KHDRBS2: variants seen among roughly 807,000 people sequenced by gnomAD.
KHDRBS2 encodes KH domain-containing, RNA-binding, signal transduction-associated protein 2.
In KHDRBS2, 26 loss-of-function variants were observed where a neutral mutation model predicts 44.3. The ratio of observed to expected loss-of-function variants is 0.59; its 90% CI spans 0.43 to 0.81. The LOEUF is 0.81. KHDRBS2 is among the 40% of genes least tolerant of loss of function. KHDRBS2 has a pLI of 0.00. For synonymous variants in KHDRBS2, 194 were observed against 151.1 expected (o/e 1.28, Z -2.08); for missense variants, 476 against 433.1 (o/e 1.10, Z -0.88).
chr6:61,609,779 G>C, the KHDRBS2 span, among the ~76,000 whole-genome samples: 4 of 152,304 alleles, frequency 2.6e-5, no homozygotes, highest in East Asian at 7.7e-4. Flanking sequence ...TTTCCAAGCA[G>C]TCAATTCTAG....
the KHDRBS2 span, among the ~76,000 whole-genome samples, chr6:61,555,712 C>T: frequency 2.5e-3 from 376 of 152,280 alleles, 2 homozygotes; most frequent in African/African-American, 8.6e-3. Context: ...TTCTTTGATG[C>T]CCTTAGGGGT....
At chr6:61,693,110 C>T (rs1354545286) in intron 8 of KHDRBS2, among the ~76,000 whole-genome samples, 1 of 151,798 alleles carries the variant, frequency 6.6e-6, no homozygotes, top group African/African-American at 2.4e-5. Flanking sequence ...GTACCATTGA[C>T]TAAAGATAAA....
At chr6:61,662,580 G>T in the KHDRBS2 span, among the ~76,000 whole-genome samples, 1 of 152,242 alleles carries the variant, frequency 6.6e-6, no homozygotes, top group East Asian at 1.9e-4. Flanking sequence ...CCATCAACAA[G>T]TGGGTGAAGG....
intron 1 of KHDRBS2, among the ~76,000 whole-genome samples, chr6:62,264,636 T>C (rs1437850201): frequency 6.6e-6 from 1 of 151,784 alleles, no homozygotes; most frequent in Non-Finnish European, 1.5e-5. Context: ...CTTATTATTA[T>C]TGTGACATGC....
At chr6:62,015,206 C>T (rs910536273) in intron 3 of KHDRBS2, among the ~76,000 whole-genome samples, 1 of 152,088 alleles carries the variant, frequency 6.6e-6, no homozygotes, top group Non-Finnish European at 1.5e-5. Context: ...TAGATTAATA[C>T]ACACATAAAG....
chr6:61,639,933 C>T, the KHDRBS2 span, among the ~76,000 whole-genome samples: 1 of 151,860 alleles, frequency 6.6e-6, no homozygotes, highest in Admixed American at 6.6e-5. Flanking sequence ...ATAATCAAAC[C>T]ATAATATGTA....
At chr6:61,903,418 C>T (rs1339574237) in intron 4 of KHDRBS2, among the ~76,000 whole-genome samples, 13 of 151,824 alleles carry the variant, frequency 8.6e-5, no homozygotes, top group Admixed American at 7.9e-4. Context: ...TAGAAGTGTA[C>T]CTTAGAGCAT....
At chr6:62,079,340 C>A (rs753796538) in intron 2 of KHDRBS2, among the ~76,000 whole-genome samples, 9 of 151,762 alleles carry the variant, frequency 5.9e-5, no homozygotes, top group Non-Finnish European at 1.2e-4. Flanking sequence ...ACATAACGGT[C>A]ACCAGAACAC....
chr6:61,581,761 T>C, the KHDRBS2 span, among the ~76,000 whole-genome samples: 9 of 151,360 alleles, frequency 5.9e-5, no homozygotes, highest in South Asian at 1.7e-3. Context: ...GAAATGGATA[T>C]ATAGTATTAA....
chr6:62,052,016 A>T (rs1389690057), intron 2 of KHDRBS2, among the ~76,000 whole-genome samples: 1 of 151,894 alleles, frequency 6.6e-6, no homozygotes, highest in Non-Finnish European at 1.5e-5. Context: ...AGAAAAGGGT[A>T]TTTTTTGTAG....
At chr6:61,795,934 A>G (rs1310900970) in intron 6 of KHDRBS2, among the ~76,000 whole-genome samples, 2 of 152,134 alleles carry the variant, frequency 1.3e-5, no homozygotes, top group Non-Finnish European at 2.9e-5. Context: ...TGAAGAAAAA[A>G]AGAACAAAGA....
At chr6:62,263,224 C>T (rs1838655152) in intron 1 of KHDRBS2, among the ~76,000 whole-genome samples, 1 of 151,562 alleles carries the variant, frequency 6.6e-6, no homozygotes. Flanking sequence ...CAAAAAATAC[C>T]ACTTACTTTC....
At chr6:61,808,927 T>C (rs913943572) in intron 6 of KHDRBS2, among the ~76,000 whole-genome samples, 5 of 152,118 alleles carry the variant, frequency 3.3e-5, no homozygotes, top group Non-Finnish European at 5.9e-5. Context: ...GAATGTTAAA[T>C]GAAATTCAAT....
the KHDRBS2 span, among the ~76,000 whole-genome samples, chr6:61,559,135 A>C: frequency 6.6e-6 from 1 of 152,016 alleles, no homozygotes; most frequent in African/African-American, 2.4e-5. Flanking sequence ...CATTATATCC[A>C]TTTGCTGAAT....
At chr6:62,117,987 G>A (rs564395960) in intron 2 of KHDRBS2, among the ~76,000 whole-genome samples, 99 of 152,186 alleles carry the variant, frequency 6.5e-4, no homozygotes, top group African/African-American at 2.0e-3. Context: ...CGTTGGCCAC[G>A]CTGGTCTTGA....
intron 6 of KHDRBS2, among the ~76,000 whole-genome samples, chr6:61,828,519 T>C (rs1791286610): frequency 6.6e-6 from 1 of 152,194 alleles, no homozygotes; most frequent in African/African-American, 2.4e-5. Flanking sequence ...AACCCAGCAC[T>C]TGATAAAACA....
At chr6:61,876,932 C>A (rs564179494) in intron 6 of KHDRBS2, among the ~76,000 whole-genome samples, 3 of 151,998 alleles carry the variant, frequency 2.0e-5, no homozygotes, top group Admixed American at 2.0e-4. Context: ...GTCATGAGAC[C>A]CAAATACAAT....
chr6:61,794,760 T>C (rs2127586874), intron 6 of KHDRBS2, among the ~76,000 whole-genome samples: 1 of 152,270 alleles, frequency 6.6e-6, no homozygotes, highest in South Asian at 2.1e-4. Context: ...TACATGTTGC[T>C]GTGTTTTTTT....
chr6:62,049,147 A>G (rs1470285205), intron 2 of KHDRBS2, among the ~76,000 whole-genome samples: 2 of 151,924 alleles, frequency 1.3e-5, no homozygotes, highest in African/African-American at 4.8e-5. Flanking sequence ...TTGTACGTAT[A>G]GGTAAATAGA....
Sources: allele counts gnomAD v4.1 joint callset (sites outside exome capture counted in the v4.1 genomes callset), GRCh38; gene constraint gnomAD v4.1.1; transcripts MANE v1.5; gene names NCBI Gene and HGNC (gene_info 2026-07-23, HGNC 2026-07-21).